The following REV3L variants were observed in gnomAD, a reference collection of about 807,000 sequenced individuals.
REV3L encodes the protein REV3 like, DNA directed polymerase zeta catalytic subunit.
REV3L carries 69 observed loss-of-function variants against 299.4 expected under a neutral mutation model. The ratio of observed to expected loss-of-function variants is 0.23; its 90% confidence interval spans 0.19 to 0.28. The LOEUF (loss-of-function observed/expected upper bound fraction) is 0.28, where lower values mean the gene tolerates loss of function less well. Ranked by LOEUF, REV3L falls within the 10% of genes least tolerant of loss-of-function variation. The pLI is 1.00. For missense variants in REV3L, 3,128 were observed against 3,693.8 expected (o/e 0.85, Z 3.97); for synonymous variants, 1,238 against 1,271.4 (o/e 0.97, Z 0.56).
At chr6:111,423,570 TTG>T (rs1785820769) in intron 1 of REV3L, among the ~76,000 whole-genome samples, 1 of 152,074 alleles carries the variant, frequency 6.6e-6, no homozygotes, top group South Asian at 2.1e-4. Context: ...GTCTGTGTTT[TTG>T]TGTGTGTGCG....
chr6:111,350,575 GC>G (rs925505280), intron 19 of REV3L, among the ~76,000 whole-genome samples: 26 of 151,500 alleles, frequency 1.7e-4, no homozygotes, highest in African/African-American at 4.6e-4. Context: ...AAGCATCTCT[GC>G]CCCCCATTCC....
chr6:111,456,757 A>G (rs1257492666), intron 1 of REV3L, among the ~76,000 whole-genome samples: 1 of 152,212 alleles, frequency 6.6e-6, no homozygotes, highest in Non-Finnish European at 1.5e-5. Context: ...GGAATCAGAC[A>G]TATCCAAAGA....
intron 2 of REV3L, among the ~76,000 whole-genome samples, chr6:111,415,002 G>A (rs1342922716): frequency 2.0e-5 from 3 of 151,438 alleles, no homozygotes; most frequent in Admixed American, 6.6e-5. Flanking sequence ...TCTTATTCTC[G>A]TCCCCCTACA....
At chr6:111,412,129 C>T (rs1784313300) in intron 2 of REV3L, 1 of 985,168 alleles carries the variant, frequency 1.0e-6, no homozygotes, top group Non-Finnish European at 1.2e-6. Context: ...TATGTACACA[C>T]AGCATGTATT....
At chr6:111,439,585 A>G (rs1303887319) in intron 1 of REV3L, among the ~76,000 whole-genome samples, 1 of 152,202 alleles carries the variant, frequency 6.6e-6, no homozygotes, top group Non-Finnish European at 1.5e-5. Context: ...CTGCATGAAA[A>G]CAAAAGAAAT....
intron 31 of REV3L, among the ~76,000 whole-genome samples, chr6:111,301,529 G>A (rs1263868941): frequency 3.3e-5 from 5 of 151,638 alleles, no homozygotes; most frequent in African/African-American, 1.2e-4. Context: ...ATCAAATAAT[G>A]TGAATTTGAA....
intron 1 of REV3L, among the ~76,000 whole-genome samples, chr6:111,438,050 G>T (rs1278843633): frequency 6.6e-6 from 1 of 150,888 alleles, no homozygotes; most frequent in East Asian, 1.9e-4. Context: ...TATAGAGACA[G>T]GGTCTCGCTA....
chr6:111,311,360 A>C (rs1772956752), intron 28 of REV3L, 101 bp from the exon 29 acceptor site: 1 of 734,768 alleles, frequency 1.4e-6, no homozygotes, highest in Non-Finnish European at 2.1e-6. Flanking sequence ...GTAACCTGCT[A>C]ACCTACCTAA....
chr6:111,409,993 T>C (rs1318534997), intron 3 of REV3L, among the ~76,000 whole-genome samples: 1 of 152,198 alleles, frequency 6.6e-6, no homozygotes, highest in Non-Finnish European at 1.5e-5. Flanking sequence ...TGTCTGCCCA[T>C]CAACTTCCAC....
At chr6:111,415,435 C>T (rs1319110509) in intron 2 of REV3L, among the ~76,000 whole-genome samples, 1 of 152,240 alleles carries the variant, frequency 6.6e-6, no homozygotes, top group Middle Eastern at 3.4e-3. Context: ...TGTGGAGTGA[C>T]AGACTGGAAT....
intron 4 of REV3L, among the ~76,000 whole-genome samples, chr6:111,397,825 T>C (rs541857795): frequency 6.6e-6 from 1 of 152,104 alleles, no homozygotes; most frequent in South Asian, 2.1e-4. Flanking sequence ...TTTGTAAAGA[T>C]GAGATCTCAC....
intron 6 of REV3L, among the ~76,000 whole-genome samples, chr6:111,389,724 T>C (rs1781708338): frequency 1.4e-5 from 2 of 143,422 alleles, no homozygotes; most frequent in Non-Finnish European, 3.0e-5. Flanking sequence ...ATTTTGGTCA[T>C]TAATTTTTTT....
intron 1 of REV3L, among the ~76,000 whole-genome samples, chr6:111,429,661 C>T (rs1273727699): frequency 6.8e-6 from 1 of 146,790 alleles, no homozygotes; most frequent in African/African-American, 2.5e-5. Context: ...ATGTGGGGGG[C>T]GGGGTGGGGT....
At position 111,405,617 on chromosome 6, in the gene REV3L, A is replaced by G; in HGVS notation, c.418T>C (p.Leu140=). 2 of 1,596,472 alleles carry G rather than the reference A, an allele frequency of 1.3e-6. No homozygotes were observed. Among genetic ancestry groups the G allele is most frequent in the South Asian group, 1.2e-5 (1 of 85,532 alleles). Residue 140 remains leucine (L), a synonymous_variant, in exon 4 of 32, where the codon TTG becomes CTG. Coordinates refer to ENST00000368802, the MANE Select transcript of REV3L (RefSeq NM_001372078.1). The stretch of plus-strand genomic sequence containing the variant: ...TTATTCATTATGGCTCCGCTTTGCA[A>G]AAGTTCACATATCCTAAATTAGAAA... ...PTMVKRICEL[L]QSGAIMNKFY... is the part of the protein sequence containing the mutation.
chr6:111,430,861 C>A, intron 1 of REV3L: 1 of 1,604,490 alleles, frequency 6.2e-7, no homozygotes, highest in African/African-American at 1.3e-5. Flanking sequence ...GAAAACCAGA[C>A]GGAACAACAA....
At chr6:111,474,988 T>TACACACACAC (rs36213449) in intron 1 of REV3L, among the ~76,000 whole-genome samples, 73 of 145,942 alleles carry the variant, frequency 5.0e-4, no homozygotes, top group African/African-American at 1.7e-3. Flanking sequence ...TGCCTATATA[T>TACACACACAC]ACACACACAC....
At chr6:111,383,806 T>G (rs1582785434) in intron 9 of REV3L, among the ~76,000 whole-genome samples, 1 of 152,162 alleles carries the variant, frequency 6.6e-6, no homozygotes, top group African/African-American at 2.4e-5. Context: ...TAACCAAAGC[T>G]ACTCTGAGCA....
chr6:111,425,749 C>T (rs1248347718), intron 1 of REV3L, among the ~76,000 whole-genome samples: 1 of 151,536 alleles, frequency 6.6e-6, no homozygotes, highest in Non-Finnish European at 1.5e-5. Context: ...AGATTTTAAG[C>T]CAGCTATTTC....
At chr6:111,433,139 TAGAA>T (rs1353299486) in intron 1 of REV3L, among the ~76,000 whole-genome samples, 1 of 151,904 alleles carries the variant, frequency 6.6e-6, no homozygotes, top group Non-Finnish European at 1.5e-5. Context: ...CTGAAGGAAC[TAGAA>T]AAAGAACAAA....
Sources: gnomAD v4.1 joint callset for allele counts (sites outside exome capture counted in the v4.1 genomes callset) on GRCh38, gnomAD v4.1.1 for gene constraint, MANE v1.5 for transcripts, NCBI Gene and HGNC (gene_info 2026-07-23, HGNC 2026-07-21) for gene names.